Variants in ANO10 observed in about 807,000 individuals in gnomAD.
ANO10 encodes the protein anoctamin-10.
In ANO10, 77 loss-of-function variants were observed where a neutral mutation model predicts 74.7. That is an observed-to-expected ratio of 1.03 (90% CI 0.86 to 1.25). The LOEUF (loss-of-function observed/expected upper bound fraction) is 1.25. Among genes scored for constraint, ANO10 ranks in the 50% most tolerant of loss-of-function variants. The pLI is 0.00. For missense variants in ANO10, 721 were observed against 778.1 expected (o/e 0.93, Z 0.87); for synonymous variants, 279 against 284.9 (o/e 0.98, Z 0.21).
chr3:43,431,928 T>C (rs2092988687), intron 12 of ANO10, among the ~76,000 whole-genome samples: 2 of 152,096 alleles, frequency 1.3e-5, no homozygotes, highest in African/African-American at 2.4e-5. Context: ...AGAAGGAGTA[T>C]GTGTCCAGGA....
chr3:43,456,341 G>C (rs973736375), intron 11 of ANO10, among the ~76,000 whole-genome samples: 32 of 152,144 alleles, frequency 2.1e-4, no homozygotes, highest in Admixed American at 6.5e-5. Flanking sequence ...TTGCCTTAAA[G>C]GTGCTAAAAA....
chr3:43,687,205 C>G (rs980831034), intron 1 of ANO10, among the ~76,000 whole-genome samples: 2 of 152,192 alleles, frequency 1.3e-5, no homozygotes, highest in Admixed American at 1.3e-4. Flanking sequence ...AATCCCAACA[C>G]TCTGGGAGGT....
intron 4 of ANO10, among the ~76,000 whole-genome samples, chr3:43,586,533 A>G (rs532638143): frequency 6.6e-6 from 1 of 152,336 alleles, no homozygotes; most frequent in African/African-American, 2.4e-5. Flanking sequence ...AGGGTTCATT[A>G]AAACATAAGT....
At chr3:43,664,663 A>G (rs756335318) in intron 1 of ANO10, among the ~76,000 whole-genome samples, 3 of 152,214 alleles carry the variant, frequency 2.0e-5, no homozygotes, top group Non-Finnish European at 4.4e-5. Flanking sequence ...AGAATCTACA[A>G]AGAACTTAAA....
intron 12 of ANO10, among the ~76,000 whole-genome samples, chr3:43,389,198 G>A (rs946969781): frequency 2.6e-4 from 39 of 152,216 alleles, no homozygotes; most frequent in Admixed American, 1.8e-3. Flanking sequence ...CACCCAACAG[G>A]TGTTGAAGTA....
intron 1 of ANO10, among the ~76,000 whole-genome samples, chr3:43,659,192 C>T (rs1025333025): frequency 6.6e-6 from 1 of 152,156 alleles, no homozygotes. Context: ...TGGTTCATCT[C>T]ACTGGGACTG....
At chr3:43,594,885 A>C (rs1262937534) in intron 4 of ANO10, among the ~76,000 whole-genome samples, 1 of 152,192 alleles carries the variant, frequency 6.6e-6, no homozygotes, top group Non-Finnish European at 1.5e-5. Flanking sequence ...TAAAGAAGAA[A>C]AGAGAGAAGA....
At chr3:43,596,047 A>G (rs1355946967) in intron 4 of ANO10, among the ~76,000 whole-genome samples, 1 of 152,208 alleles carries the variant, frequency 6.6e-6, no homozygotes, top group Non-Finnish European at 1.5e-5. Context: ...TAGGAATACA[A>G]CTTACAAGGG....
At chr3:43,650,875 TTG>T (rs2083779716) in intron 1 of ANO10, among the ~76,000 whole-genome samples, 1 of 152,224 alleles carries the variant, frequency 6.6e-6, no homozygotes, top group Non-Finnish European at 1.5e-5. Flanking sequence ...TCAAACACAC[TTG>T]CGGAAGTTAT....
In ANO10 at chr3:43,549,822, T is replaced by C; in HGVS notation, c.1695A>G (p.Ile565Met). 6.2e-7 allele frequency: 1 copy of C among 1,614,050 alleles called. No individual in the cohort carries two copies. The highest frequency in any genetic ancestry group is 8.5e-7 in the Non-Finnish European group (1 of 1,179,914). The change falls in exon 11 of 13, where the codon ATA becomes ATG. Residue 565 changes from isoleucine to methionine, a missense_variant. Ile to Met is a conservative substitution (Grantham distance 10, BLOSUM62 1). Transcript: ENST00000292246. ...TCAGCGCACAGTTAGTGACCACAGATATAACACTCATCGTTTCAAAAGCCA... is the reference window on the plus strand; with the variant it reads ...TCAGCGCACAGTTAGTGACCACAGACATAACACTCATCGTTTCAAAAGCCA... ...WQLAFETMSV[I>M]SVVTNCALIG...
chr3:43,455,690 ACTGGG>A (rs2075092265), intron 11 of ANO10, among the ~76,000 whole-genome samples: 1 of 152,096 alleles, frequency 6.6e-6, no homozygotes. Flanking sequence ...TCAAAACTTC[ACTGGG>A]CTGGGCTGCA....
intron 11 of ANO10, among the ~76,000 whole-genome samples, chr3:43,437,176 C>A (rs529017582): frequency 6.6e-6 from 1 of 152,248 alleles, no homozygotes; most frequent in South Asian, 2.1e-4. Flanking sequence ...TTCTACCTCC[C>A]AAAGGTCCCC....
chr3:43,534,153 T>C (rs892127787), intron 11 of ANO10, among the ~76,000 whole-genome samples: 1 of 152,162 alleles, frequency 6.6e-6, no homozygotes, highest in Non-Finnish European at 1.5e-5. Context: ...AATAAGTACA[T>C]AAAATTTAAA....
chr3:43,496,631 G>T (rs899245323), intron 11 of ANO10, among the ~76,000 whole-genome samples: 2 of 151,868 alleles, frequency 1.3e-5, no homozygotes, highest in Admixed American at 1.3e-4. Flanking sequence ...GGGGGTGGGG[G>T]AGCAGGGGCA....
intron 4 of ANO10, among the ~76,000 whole-genome samples, chr3:43,581,856 T>G (rs1026000720): frequency 4.0e-5 from 6 of 149,206 alleles, no homozygotes; most frequent in Non-Finnish European, 7.4e-5. Flanking sequence ...AGTCCAGGAG[T>G]TCAAGGCTAC....
At chr3:43,428,671 G>A (rs1343302097) in intron 12 of ANO10, among the ~76,000 whole-genome samples, 1 of 151,434 alleles carries the variant, frequency 6.6e-6, no homozygotes, top group East Asian at 1.9e-4. Context: ...TATGTCCTCA[G>A]GGGAAAAAAA....
At chr3:43,557,492 T>C (rs987708113) in intron 9 of ANO10, among the ~76,000 whole-genome samples, 3 of 152,016 alleles carry the variant, frequency 2.0e-5, no homozygotes, top group African/African-American at 7.2e-5. Context: ...TTCCAGCACT[T>C]TGGGAGGCCG....
rs150996898 is a variant in ANO10, at chr3:43,388,478, C to T, written c.1915-21504G>A. On this transcript the variant is annotated intron_variant, in intron 12 of 12. Transcript: ENST00000292246. ...TATCCCTGTGTTCCTGACCACATTCCGAAGGCTCTTTTGTTTTCTTACCAA... is the reference window on the plus strand; with the variant it reads ...TATCCCTGTGTTCCTGACCACATTCTGAAGGCTCTTTTGTTTTCTTACCAA... 2.6e-4 allele frequency among the ~76,000 whole-genome samples: 40 copies of T among 152,198 alleles called. No individual in the cohort carries two copies. The East Asian group carries it at 4.6e-3, about 18-fold the overall frequency.
intron 7 of ANO10, among the ~76,000 whole-genome samples, chr3:43,566,594 A>C (rs1056702899): frequency 2.0e-5 from 3 of 152,190 alleles, no homozygotes; most frequent in African/African-American, 4.8e-5. Context: ...CTCACACGGC[A>C]GGGTATTCCA....
Sources: gnomAD v4.1 joint callset for allele counts (sites outside exome capture counted in the v4.1 genomes callset) on GRCh38, gnomAD v4.1.1 for gene constraint, MANE v1.5 for transcripts, NCBI Gene and HGNC (gene_info 2026-07-23, HGNC 2026-07-21) for gene names.